TUSC3: variants seen among roughly 807,000 people sequenced by gnomAD.
TUSC3 encodes dolichyl-diphosphooligosaccharide--protein glycosyltransferase subunit TUSC3.
Under a neutral mutation model 44.8 loss-of-function variants are expected in TUSC3, and 45 were observed. The observed-to-expected ratio is 1.00, with a 90% CI of 0.79 to 1.29. The LOEUF (loss-of-function observed/expected upper bound fraction) is 1.29, where lower values mean the gene tolerates loss of function less well. Among genes scored for constraint, TUSC3 ranks in the 50% most tolerant of loss-of-function variants. TUSC3 has a pLI of 0.00. For missense variants in TUSC3, 519 were observed against 437.9 expected, an observed-to-expected ratio of 1.19 and a Z score of -1.65; for synonymous variants, 212 against 152.9, an observed-to-expected ratio of 1.39 and a Z score of -2.85.
chr8:15,752,321 A>G lies in TUSC3; in HGVS notation c.1028+3856A>G, dbSNP rs192243726. ...GGTATATTCTGAGGATTATGAGTAT[A>G]CTGCTATGGTGTGACAGCCTTAATA... On this transcript the variant is annotated intron_variant, in intron 9 of 10. Coordinates refer to ENST00000503731, the MANE Select transcript of TUSC3 (RefSeq NM_006765.4). 2.7e-5 allele frequency among the ~76,000 whole-genome samples: 4 copies of G among 150,134 alleles called. No individual in the cohort carries two copies. In the Admixed American group the frequency reaches 2.7e-4, roughly 10 times the overall value.
chr8:15,736,731 T>C (rs1810953940), intron 7 of TUSC3, among the ~76,000 whole-genome samples: 1 of 152,146 alleles, frequency 6.6e-6, no homozygotes, highest in Non-Finnish European at 1.5e-5. Context: ...TTTTTTTCTA[T>C]CAATCAGTAG....
Position 15,655,130 on chromosome 8 carries a change from C to T in TUSC3, c.426+4316C>T, listed in dbSNP as rs180748979. ...TGTCAGGTGACCATCATGTGATGAT[C>T]AGGTGGTTGTTAAACTGTCTTGCTA... On this transcript the variant is annotated intron_variant, in intron 3 of 10. Coordinates refer to ENST00000503731, the MANE Select transcript of TUSC3 (RefSeq NM_006765.4). Among the ~76,000 whole-genome samples, 161 of 152,232 alleles carry T rather than the reference C, an allele frequency of 1.1e-3. 1 individual carries two copies. The highest frequency in any genetic ancestry group is 3.8e-3 in the African/African-American group (157 of 41,542).
intron 2 of TUSC3, among the ~76,000 whole-genome samples, chr8:15,498,601 G>A (rs1219006845): frequency 6.6e-6 from 1 of 152,182 alleles, no homozygotes; most frequent in African/African-American, 2.4e-5. Flanking sequence ...GTGCAGATGT[G>A]AATTAGGTGG....
At chr8:15,420,417 G>C (rs1286211417) in intron 1 of TUSC3, among the ~76,000 whole-genome samples, 2 of 151,810 alleles carry the variant, frequency 1.3e-5, no homozygotes, top group Non-Finnish European at 1.5e-5. Flanking sequence ...AAAATCACTT[G>C]AACCTGGGAA....
intron 1 of TUSC3, among the ~76,000 whole-genome samples, chr8:15,454,786 C>G (rs773563640): frequency 4.6e-5 from 7 of 152,194 alleles, no homozygotes; most frequent in Non-Finnish European, 7.3e-5. Flanking sequence ...ATATAGTAAA[C>G]TTGCTGGGAT....
chr8:15,576,165 T>G (rs1333554702), intron 1 of TUSC3, among the ~76,000 whole-genome samples: 1 of 151,608 alleles, frequency 6.6e-6, no homozygotes, highest in Non-Finnish European at 1.5e-5. Flanking sequence ...GAATTCTTGC[T>G]TGTTTATGAG....
chr8:15,435,247 A>G (rs1460457396), intron 1 of TUSC3, among the ~76,000 whole-genome samples: 1 of 151,916 alleles, frequency 6.6e-6, no homozygotes, highest in Non-Finnish European at 1.5e-5. Flanking sequence ...GTGAGATGGT[A>G]TCTCATTGTG....
intron 1 of TUSC3, among the ~76,000 whole-genome samples, chr8:15,589,161 G>A (rs1382411431): frequency 6.6e-6 from 1 of 152,114 alleles, no homozygotes; most frequent in East Asian, 1.9e-4. Context: ...ATTTACGTGG[G>A]ATATATTTTT....
intron 1 of TUSC3, among the ~76,000 whole-genome samples, chr8:15,622,854 C>T (rs765852098): frequency 5.9e-5 from 9 of 151,926 alleles, no homozygotes; most frequent in Non-Finnish European, 1.0e-4. Flanking sequence ...GGATTGCTGA[C>T]TTCTCTAGCA....
rs1812292691 is a variant in TUSC3, at chr8:15,765,170, A to T, written c.*1014A>T. ...ATTATGGTATTTCTTCCTCACAATAACCTTGTAAATTAGTCAGGAAATGTA... is the reference window on the plus strand; with the variant it reads ...ATTATGGTATTTCTTCCTCACAATATCCTTGTAAATTAGTCAGGAAATGTA... On this transcript the variant is annotated 3_prime_UTR_variant, in exon 11 of 11. Transcript: ENST00000503731. The T allele has an allele frequency of 6.6e-6, 1 of 152,004 alleles. No homozygotes were observed. Among genetic ancestry groups the T allele is most frequent in the South Asian group, 2.1e-4 (1 of 4,834 alleles). The allele number at this position is 152,004 out of a possible 1,614,324, so 9.4% of individuals were successfully genotyped here.
intron 1 of TUSC3, among the ~76,000 whole-genome samples, chr8:15,557,106 T>G (rs1802297070): frequency 1.8e-5 from 1 of 55,664 alleles, no homozygotes; most frequent in Non-Finnish European, 3.2e-5. Flanking sequence ...TGGTAATGCC[T>G]AGGTTTTCTT....
At chr8:15,793,849 T>C in the TUSC3 span, among the ~76,000 whole-genome samples, 6 of 152,142 alleles carry the variant, frequency 3.9e-5, no homozygotes, top group East Asian at 5.8e-4. Flanking sequence ...GTTAGAATCA[T>C]GGGAAGGAAC....
At chr8:15,789,010 C>A in the TUSC3 span, among the ~76,000 whole-genome samples, 16 of 152,306 alleles carry the variant, frequency 1.1e-4, no homozygotes, top group African/African-American at 4.8e-5. Context: ...GCAATTCTTA[C>A]CCTCAGGCTT....
rs1030534105 is a variant in TUSC3 at position 15,686,182 on chromosome 8, A to T, written c.798+12346A>T. ...GTAGCTAAAGGGAAACTATACAAAC[A>T]TATGGTTACATAGGACATAAAAACA... On this transcript the variant is annotated intron_variant, in intron 6 of 10. Transcript: ENST00000503731. 9.2e-5 allele frequency among the ~76,000 whole-genome samples: 14 copies of T among 152,348 alleles called. No individual in the cohort carries two copies. In the East Asian group the frequency reaches 2.3e-3, roughly 25 times the overall value.
chr8:15,719,338 A>G (rs1043800719), intron 6 of TUSC3, among the ~76,000 whole-genome samples: 10 of 151,758 alleles, frequency 6.6e-5, no homozygotes, highest in South Asian at 6.3e-4. Flanking sequence ...CTTGTTCACA[A>G]CTGTGCTCAG....
intron 1 of TUSC3, among the ~76,000 whole-genome samples, chr8:15,450,360 G>A (rs1455958660): frequency 1.3e-5 from 2 of 151,854 alleles, no homozygotes; most frequent in Non-Finnish European, 2.9e-5. Context: ...GAGTTTTTAG[G>A]GCTGACTTTT....
the TUSC3 span, among the ~76,000 whole-genome samples, chr8:15,772,465 T>G: frequency 1.2e-4 from 18 of 152,180 alleles, 1 homozygote; most frequent in African/African-American, 4.3e-4. Flanking sequence ...CTATGAAAAT[T>G]TACTCAACAA....
intron 1 of TUSC3, among the ~76,000 whole-genome samples, chr8:15,616,441 G>T (rs1161772322): frequency 6.6e-6 from 1 of 152,108 alleles, no homozygotes; most frequent in African/African-American, 2.4e-5. Context: ...AGCCCGTCGT[G>T]GTGGCTCACG....
At chr8:15,797,389 G>T in the TUSC3 span, among the ~76,000 whole-genome samples, 2 of 152,088 alleles carry the variant, frequency 1.3e-5, 1 homozygote, top group South Asian at 4.1e-4. Flanking sequence ...TGAGACAGCA[G>T]TCTTCCTTGA....
Sources: gnomAD v4.1 joint callset for allele counts (sites outside exome capture counted in the v4.1 genomes callset) on GRCh38, gnomAD v4.1.1 for gene constraint, MANE v1.5 for transcripts, NCBI Gene and HGNC (gene_info 2026-07-23, HGNC 2026-07-21) for gene names.